Variants in BRINP3 observed in about 807,000 individuals in gnomAD.
The protein encoded by BRINP3 is BMP/retinoic acid-inducible neural-specific protein 3.
BRINP3 carries 19 observed loss-of-function variants against 71.0 expected under a neutral mutation model. That is an observed-to-expected ratio of 0.27 (90% CI 0.19 to 0.39). The LOEUF is 0.39. Among genes scored for constraint, BRINP3 ranks in the 10% least tolerant of loss-of-function variants. The pLI, the probability that BRINP3 is intolerant of heterozygous loss-of-function variation, is 1.00. For missense variants in BRINP3, 959 were observed against 940.8 expected, an observed-to-expected ratio of 1.02 and a Z score of -0.25; for synonymous variants, 380 against 337.7, an observed-to-expected ratio of 1.13 and a Z score of -1.37.
intron 2 of BRINP3, among the ~76,000 whole-genome samples, chr1:190,298,333 T>G (rs1664409270): frequency 6.6e-6 from 1 of 152,096 alleles, no homozygotes; most frequent in Non-Finnish European, 1.5e-5. Context: ...TTTTTTCAAC[T>G]TCATTGATTT....
At chr1:190,429,310 A>G (rs1673933199) in intron 2 of BRINP3, among the ~76,000 whole-genome samples, 1 of 152,178 alleles carries the variant, frequency 6.6e-6, no homozygotes, top group Admixed American at 6.5e-5. Context: ...ATAGCACTAG[A>G]AAAATGTTTT....
intron 2 of BRINP3, among the ~76,000 whole-genome samples, chr1:190,406,498 T>G (rs1176601564): frequency 6.6e-6 from 1 of 152,212 alleles, no homozygotes; most frequent in African/African-American, 2.4e-5. Flanking sequence ...TGATATAAAA[T>G]AGAGTACATT....
intron 2 of BRINP3, among the ~76,000 whole-genome samples, chr1:190,364,957 C>G (rs978945120): frequency 3.9e-5 from 6 of 152,040 alleles, no homozygotes; most frequent in Admixed American, 1.3e-4. Flanking sequence ...ACTCTATGGA[C>G]TGATAAGAAT....
chr1:190,393,235 A>C (rs1343900437), intron 2 of BRINP3, among the ~76,000 whole-genome samples: 2 of 151,702 alleles, frequency 1.3e-5, no homozygotes, highest in East Asian at 1.9e-4. Context: ...ATTCATGTAC[A>C]TAGTGTCAGA....
At chr1:190,464,425 G>T (rs1357573965) in intron 1 of BRINP3, among the ~76,000 whole-genome samples, 1 of 151,884 alleles carries the variant, frequency 6.6e-6, no homozygotes, top group Non-Finnish European at 1.5e-5. Flanking sequence ...TTTACAATAT[G>T]CTGTTGTTAT....
chr1:190,308,423 G>A lies in BRINP3; in HGVS notation c.237-26673C>T, dbSNP rs183112977. 9.2e-5 allele frequency among the ~76,000 whole-genome samples: 14 copies of A among 151,676 alleles called. No homozygotes were observed. In the Admixed American group the frequency reaches 9.2e-4, roughly 10 times the overall value. Reference sequence around the variant, plus strand: ...CCAGCTTCATCCTTGTCTCCACAAAGGAGGTGGGAATTGAACAATGAGAAC... The same window carrying A: ...CCAGCTTCATCCTTGTCTCCACAAAAGAGGTGGGAATTGAACAATGAGAAC... On this transcript the variant is annotated intron_variant, in intron 2 of 7. Coordinates refer to ENST00000367462, the MANE Select transcript of BRINP3 (RefSeq NM_199051.3).
intron 2 of BRINP3, among the ~76,000 whole-genome samples, chr1:190,387,872 T>A (rs1474699616): frequency 6.6e-6 from 1 of 151,850 alleles, no homozygotes; most frequent in Non-Finnish European, 1.5e-5. Context: ...TTCTTGAATA[T>A]CTAACCAATT....
rs182775571 is a variant in BRINP3, at chr1:190,227,770, A to G, written c.725-1452T>C. On this transcript the variant is annotated intron_variant, in intron 5 of 7. Transcript: ENST00000367462. Reference sequence around the variant, plus strand: ...TATATATTAATATATTTTGGAAATGAAAGTAGTAATATTGTTTCATTGCAA... The same window carrying G: ...TATATATTAATATATTTTGGAAATGGAAGTAGTAATATTGTTTCATTGCAA... 7.0e-4 allele frequency among the ~76,000 whole-genome samples: 106 copies of G among 152,062 alleles called. No homozygotes were observed. In the East Asian group the frequency reaches 7.1e-3, roughly 10 times the overall value.
chr1:190,098,030 T>C lies in BRINP3; in HGVS notation c.2289A>G (p.Lys763=), dbSNP rs768024264. 1 of 1,604,486 alleles carries C rather than the reference T, an allele frequency of 6.2e-7. No homozygotes were observed. Among genetic ancestry groups the C allele is most frequent in the Non-Finnish European group, 8.5e-7 (1 of 1,175,158 alleles). Residue 763 remains lysine, a synonymous_variant, in exon 8 of 8, where the codon AAA becomes AAG. Transcript: ENST00000367462. ...TTGACATTTATGGTTAACTACATAA[T>C]TTGGTCGTGTCATAATCCATTGTGT... is the stretch of plus-strand genomic sequence containing the variant. The part of the protein sequence containing the change: ...LPNTMDYDTT[K]LCS
intron 2 of BRINP3, among the ~76,000 whole-genome samples, chr1:190,327,200 G>A (rs758314210): frequency 2.1e-4 from 32 of 149,818 alleles, no homozygotes; most frequent in Middle Eastern, 3.4e-3. Context: ...CTGTAATCCC[G>A]GCTACTTGGA....
chr1:190,106,177 C>A (rs1233097419), intron 7 of BRINP3, among the ~76,000 whole-genome samples: 1 of 151,744 alleles, frequency 6.6e-6, no homozygotes, highest in Non-Finnish European at 1.5e-5. Context: ...GGTATTCACC[C>A]CCCCATAATA....
intron 2 of BRINP3, among the ~76,000 whole-genome samples, chr1:190,437,149 C>A (rs536889484): frequency 6.6e-6 from 1 of 151,564 alleles, no homozygotes; most frequent in Non-Finnish European, 1.5e-5. Flanking sequence ...TGGATTTTTT[C>A]AGCAAAAAAT....
chr1:190,160,752 A>G lies in BRINP3; in HGVS notation c.1100T>C (p.Leu367Pro). The G allele has an allele frequency of 6.2e-7, 1 of 1,613,608 alleles. No homozygotes were observed. Among genetic ancestry groups the G allele is most frequent in the Non-Finnish European group, 8.5e-7 (1 of 1,179,694 alleles). Reference sequence around the variant, plus strand: ...CTTGTGTACAATTTTCTGCGCCTTTAGGAAAAGTTGTTTCATGCTGTTCTC... The same window carrying G: ...CTTGTGTACAATTTTCTGCGCCTTTGGGAAAAGTTGTTTCATGCTGTTCTC... ...QLENSMKQLF[L>P]KAQKIVHKLF... The change falls in exon 7 of 8, where the codon CTA becomes CCA. Residue 367 changes from leucine to proline, a missense_variant. Transcript: ENST00000367462.
At chr1:190,224,715 A>T (rs1327302587) in intron 6 of BRINP3, among the ~76,000 whole-genome samples, 3 of 151,918 alleles carry the variant, frequency 2.0e-5, no homozygotes, top group Non-Finnish European at 4.4e-5. Flanking sequence ...GGGAGAAAAT[A>T]TTTACAAACC....
At chr1:190,407,033 G>A (rs915754059) in intron 2 of BRINP3, among the ~76,000 whole-genome samples, 1 of 152,100 alleles carries the variant, frequency 6.6e-6, no homozygotes, top group African/African-American at 2.4e-5. Context: ...ATCTAAAAGT[G>A]TATTAAGTTA....
chr1:190,206,713 T>A (rs189284534), intron 6 of BRINP3, among the ~76,000 whole-genome samples: 32 of 152,206 alleles, frequency 2.1e-4, no homozygotes, highest in Middle Eastern at 3.4e-3. Flanking sequence ...TGAATTCCAA[T>A]GACAAATTGA....
intron 6 of BRINP3, among the ~76,000 whole-genome samples, chr1:190,205,117 G>C (rs776356388): frequency 6.6e-6 from 1 of 152,048 alleles, no homozygotes; most frequent in Non-Finnish European, 1.5e-5. Context: ...ATGTTCAAGT[G>C]AGAGTTTGTT....
At position 190,460,833 on chromosome 1, in the gene BRINP3, C is replaced by T. The variant is rs145214468; in HGVS notation, c.-50-5893G>A. 7.6e-3 allele frequency among the ~76,000 whole-genome samples: 1,151 copies of T among 152,310 alleles called. 64 individuals are homozygous for T. Among genetic ancestry groups the T allele is most frequent in the Admixed American group, 0.068 (1,040 of 15,288 alleles). ...AACATGACTTTGACCTACCTTCTCA[C>T]TCACATATACAATCTGTCCTCAAGT... On this transcript the variant is annotated intron_variant, in intron 1 of 7. Transcript: ENST00000367462.
intron 2 of BRINP3, among the ~76,000 whole-genome samples, chr1:190,373,273 C>G (rs753241768): frequency 4.6e-5 from 7 of 151,806 alleles, no homozygotes; most frequent in Non-Finnish European, 1.0e-4. Flanking sequence ...GCCTGTAATC[C>G]CAGCTACTCG....
Sources: allele counts gnomAD v4.1 joint callset (sites outside exome capture counted in the v4.1 genomes callset), GRCh38; gene constraint gnomAD v4.1.1; transcripts MANE v1.5; gene names NCBI Gene and HGNC (gene_info 2026-07-23, HGNC 2026-07-21).